Variants in GMEB2 observed in about 807,000 individuals in gnomAD.
GMEB2 encodes glucocorticoid modulatory element-binding protein 2.
GMEB2 carries 7 observed loss-of-function variants against 45.7 expected under a neutral mutation model. The ratio of observed to expected loss-of-function variants is 0.15; its 90% CI spans 0.09 to 0.29. The LOEUF (loss-of-function observed/expected upper bound fraction) is 0.29, where lower values mean the gene tolerates loss of function less well. Among genes scored for constraint, GMEB2 ranks in the 10% least tolerant of loss-of-function variants. The pLI is 1.00. For synonymous variants in GMEB2, 322 were observed against 323.6 expected, an observed-to-expected ratio of 1.00 and a Z score of 0.05; for missense variants, 582 against 739.2, an observed-to-expected ratio of 0.79 and a Z score of 2.47.
At chr20:63,614,045 C>T (rs570976742) in intron 2 of GMEB2, among the ~76,000 whole-genome samples, 3 of 152,158 alleles carry the variant, frequency 2.0e-5, no homozygotes, top group African/African-American at 4.8e-5. Flanking sequence ...TGGGCAACAC[C>T]CACTCCATCA....
rs199690138 is a variant in GMEB2 at position 63,589,220 on chromosome 20, G to A, written c.*869C>T. On this transcript the variant is annotated 3_prime_UTR_variant, in exon 10 of 10. Coordinates refer to ENST00000370077, the MANE Select transcript of GMEB2 (RefSeq NM_012384.5). ...GGATCTCAGACCCCTGGGAGGGGCC[G>A]GCTCAGGGACAGGCTGCCCAGGACC... 1.2e-4 allele frequency: 46 copies of A among 399,174 alleles called. No individual in the cohort carries two copies. The East Asian group carries it at 1.3e-3, about 11-fold the overall frequency. 24.7% of individuals were successfully genotyped at this position (399,174 alleles called of 1,614,324 possible). A position where few individuals can be genotyped will look rare whatever the true frequency, so the allele number is the denominator to read the frequency against.
intron 2 of GMEB2, among the ~76,000 whole-genome samples, chr20:63,614,966 G>A (rs1193189326): frequency 6.6e-6 from 1 of 152,180 alleles, no homozygotes; most frequent in African/African-American, 2.4e-5. Flanking sequence ...CCGCGTCTTG[G>A]TGGTAGTGGT....
rs1601004744 is a variant in GMEB2, at chr20:63,592,858, C to T, written c.691+153G>A. Among the ~76,000 whole-genome samples, 1 of 152,186 alleles carries T rather than the reference C, an allele frequency of 6.6e-6. No homozygotes were observed. The highest frequency in any genetic ancestry group is 1.5e-5 in the Non-Finnish European group (1 of 68,024). On this transcript the variant is annotated intron_variant, in intron 7 of 9. Transcript: ENST00000370077. The surrounding 1 kb of genome is among the most constrained non-coding windows in gnomAD (Gnocchi z 8.2). ...AAAATCTAGCAGGTCAGCCTCAGAG[C>T]GCCCACGACAATGCTGCTGGAACCA...
rs775045713 is a variant in GMEB2 at position 63,590,588 on chromosome 20, G to A, written c.1094C>T (p.Thr365Ile). The A allele has an allele frequency of 1.3e-6, 2 of 1,588,850 alleles. No individual in the cohort carries two copies. The highest frequency in any genetic ancestry group is 1.8e-5 in the Admixed American group (1 of 56,430). The change falls in exon 10 of 10, where the codon ACA (threonine) becomes ATA (isoleucine). Residue 365 changes from threonine (T) to isoleucine (I), a missense_variant. Physicochemically the swap from Thr to Ile is moderately conservative, Grantham distance 89. Around this residue, in one of 3 missense-constraint regions of GMEB2, gnomAD observed 462 missense variants for 586.7 expected, o/e 0.79. Coordinates refer to ENST00000370077, the MANE Select transcript of GMEB2 (RefSeq NM_012384.5). ...PVKRPRLARA[T>I]SGPAAMASQV... ...CGAGGCCATGGCGGCCGGTCCTGAT[G>A]TGGCACGTGCAAGCCGGGGCCGCTT... is the stretch of plus-strand genomic sequence containing the variant.
intron 2 of GMEB2, among the ~76,000 whole-genome samples, chr20:63,618,550 C>T (rs898262507): frequency 2.0e-5 from 3 of 152,174 alleles, no homozygotes; most frequent in African/African-American, 4.8e-5. Context: ...CTCTGTCAAA[C>T]GGTGAGAAAG....
At position 63,602,003 on chromosome 20, in the gene GMEB2, C is replaced by T. The variant is rs1188608572; in HGVS notation, c.357+962G>A. Among the ~76,000 whole-genome samples, 9 of 146,584 alleles carry T rather than the reference C, an allele frequency of 6.1e-5. No homozygotes were observed. In the South Asian group the frequency reaches 1.1e-3, roughly 18 times the overall value. ...TTCTGTGGGGCCTGTGGCTTCTGTG[C>T]AGCTTGTGGCTTCTGTGGGGCCTGT... On this transcript the variant is annotated intron_variant, in intron 4 of 9. Transcript: ENST00000370077.
chr20:63,590,520 C>A lies in GMEB2; in HGVS notation c.1162G>T (p.Val388Leu), dbSNP rs111335645. Residue 388 changes from valine to leucine, a missense_variant, in exon 10 of 10, where the codon GTG becomes TTG. Coordinates refer to ENST00000370077, the MANE Select transcript of GMEB2 (RefSeq NM_012384.5). ...QSAQLALGPGVPVPQLTSVPL... is the reference protein window; with the variant it reads ...QSAQLALGPGLPVPQLTSVPL... ...ACGCTGGTCAGCTGGGGGACGGGCA[C>A]GCCCGGGCCAAGCGCCAGCTGGGCA... 3.3e-6 allele frequency: 5 copies of A among 1,513,882 alleles called. No homozygotes were observed. The South Asian group carries it at 5.2e-5, about 16-fold the overall frequency. 93.8% of individuals were successfully genotyped at this position (1,513,882 alleles called of 1,614,324 possible). A position where few individuals can be genotyped will look rare whatever the true frequency, so the allele number is the denominator to read the frequency against.
At chr20:63,601,880 C>T (rs2083244547) in intron 4 of GMEB2, among the ~76,000 whole-genome samples, 1 of 146,092 alleles carries the variant, frequency 6.8e-6, no homozygotes, top group Non-Finnish European at 1.5e-5. Flanking sequence ...TTCCGTGCTG[C>T]CTGTGGCTTC....
chr20:63,602,846 T>C, intron 4 of GMEB2, 119 bp downstream of exon 4: 1 of 863,382 alleles, frequency 1.2e-6, no homozygotes, highest in Non-Finnish European at 1.8e-6. Flanking sequence ...CGCACCTCCT[T>C]CACTCTCCCC....
chr20:63,609,078 T>C, intron 2 of GMEB2, among the ~76,000 whole-genome samples: 2 of 104,580 alleles, frequency 1.9e-5, no homozygotes, highest in Non-Finnish European at 4.1e-5. Flanking sequence ...ACCCCACACC[T>C]CCATTTCTAG....
intron 1 of GMEB2, among the ~76,000 whole-genome samples, chr20:63,625,982 G>A (rs1256523460): frequency 6.6e-6 from 1 of 152,230 alleles, no homozygotes; most frequent in South Asian, 2.1e-4. Flanking sequence ...TGTTAGCAAA[G>A]AAAGAGAATT....
At chr20:63,612,765 T>C (rs2146084397) in intron 2 of GMEB2, among the ~76,000 whole-genome samples, 1 of 118,996 alleles carries the variant, frequency 8.4e-6, no homozygotes. Flanking sequence ...TACCTGTGCC[T>C]CAGACTGCCT....
At chr20:63,601,640 T>C (rs1049211253) in intron 4 of GMEB2, among the ~76,000 whole-genome samples, 2 of 152,040 alleles carry the variant, frequency 1.3e-5, no homozygotes, top group Non-Finnish European at 2.9e-5. Flanking sequence ...TCCCAAAGTG[T>C]CAGGATTGCA....
At chr20:63,598,677 G>A (rs372633902) in intron 4 of GMEB2, among the ~76,000 whole-genome samples, 2 of 152,102 alleles carry the variant, frequency 1.3e-5, no homozygotes, top group East Asian at 1.9e-4. Flanking sequence ...ACCCTCTCAT[G>A]ACCCCTGTGC....
At chr20:63,605,315 C>G (rs945588415) in intron 2 of GMEB2, among the ~76,000 whole-genome samples, 14 of 151,634 alleles carry the variant, frequency 9.2e-5, no homozygotes, top group African/African-American at 3.4e-4. Context: ...GGTGAATCAC[C>G]TGAGGTCAGA....
At position 63,592,018 on chromosome 20, in the gene GMEB2, A is replaced by T; in HGVS notation, c.952+4T>A. The stretch of plus-strand genomic sequence containing the variant: ...GGGACGGGACGGGGGTGGTCTCAGC[A>T]TACCTGCCAGGTCCCGGGCGTACTG... On this transcript the variant is annotated splice_donor_region_variant and intron_variant, in intron 9 of 9. Coordinates refer to ENST00000370077, the MANE Select transcript of GMEB2 (RefSeq NM_012384.5). This position sits in a 1 kb window ranked among gnomAD's most constrained non-coding sequence, Gnocchi z 8.2. 2 of 1,608,334 alleles carry T rather than the reference A, an allele frequency of 1.2e-6. No individual in the cohort carries two copies. Among genetic ancestry groups the T allele is most frequent in the Admixed American group, 1.7e-5 (1 of 59,922 alleles).
intron 1 of GMEB2, among the ~76,000 whole-genome samples, chr20:63,625,714 C>G (rs1232313866): frequency 1.3e-5 from 2 of 152,124 alleles, no homozygotes; most frequent in African/African-American, 4.8e-5. Flanking sequence ...TCTCCTGCCT[C>G]AGCCTCCCAA....
chr20:63,612,718 G>C (rs1037284048), intron 2 of GMEB2, among the ~76,000 whole-genome samples: 1 of 152,084 alleles, frequency 6.6e-6, no homozygotes, highest in African/African-American at 2.4e-5. Flanking sequence ...GAGGATCACA[G>C]ACCGGGCAAA....
chr20:63,600,674 C>T (rs1175223725), intron 4 of GMEB2, among the ~76,000 whole-genome samples: 10 of 143,130 alleles, frequency 7.0e-5, no homozygotes, highest in African/African-American at 1.0e-4. Context: ...GCCAAGATCG[C>T]GCCATTGCAC....
Sources: allele counts gnomAD v4.1 joint callset (sites outside exome capture counted in the v4.1 genomes callset), GRCh38; gene constraint gnomAD v4.1.1; regional missense constraint gnomAD v4.1.1; non-coding constraint Gnocchi (gnomAD v3.1); transcripts MANE v1.5; gene names NCBI Gene and HGNC (gene_info 2026-07-23, HGNC 2026-07-21).